The following DYNC2LI1 variants were observed in gnomAD, a reference collection of about 807,000 sequenced individuals.
DYNC2LI1 encodes dynein cytoplasmic 2 light intermediate chain 1, also known as cytoplasmic dynein 2 light intermediate chain 1.
Under a neutral mutation model 51.9 loss-of-function variants are expected in DYNC2LI1, and 45 were observed. The observed-to-expected ratio is 0.87, with a 90% CI of 0.68 to 1.11. The LOEUF is 1.11. Ranked by LOEUF, DYNC2LI1 falls within the 50% of genes most tolerant of loss-of-function variation. The pLI is 0.00. For missense variants in DYNC2LI1, 490 were observed against 417.4 expected, an observed-to-expected ratio of 1.17 and a Z score of -1.51; for synonymous variants, 130 against 137.8, an observed-to-expected ratio of 0.94 and a Z score of 0.40.
chr2:43,786,809 A>G (rs1673540990), intron 3 of DYNC2LI1, among the ~76,000 whole-genome samples: 1 of 151,962 alleles, frequency 6.6e-6, no homozygotes. Flanking sequence ...CTGGGCGACA[A>G]AGCAAGACTC....
chr2:43,799,248 GT>G (rs1403221781), intron 8 of DYNC2LI1, among the ~76,000 whole-genome samples: 3 of 152,118 alleles, frequency 2.0e-5, no homozygotes, highest in African/African-American at 7.2e-5. Flanking sequence ...GCTGCAGTGA[GT>G]TATGATCACA....
downstream of DYNC2LI1, chr2:43,813,381 G>A: frequency 9.0e-7 from 1 of 1,113,412 alleles, no homozygotes; most frequent in Non-Finnish European, 1.3e-6. Context: ...TATTTACCAA[G>A]CGCTTGCTAA....
intron 2 of DYNC2LI1, among the ~76,000 whole-genome samples, chr2:43,778,063 C>G (rs1424454014): frequency 6.6e-6 from 1 of 152,120 alleles, no homozygotes; most frequent in Non-Finnish European, 1.5e-5. Flanking sequence ...TATTGGCCCA[C>G]TTTTTAAAAT....
chr2:43,825,034 A>T, the DYNC2LI1 span: 2 of 1,612,970 alleles, frequency 1.2e-6, no homozygotes, highest in Admixed American at 3.3e-5. Flanking sequence ...CAGACAACAG[A>T]CGTAGTTAGT....
chr2:43,786,394 C>G (rs1673521681), intron 3 of DYNC2LI1, among the ~76,000 whole-genome samples: 1 of 152,020 alleles, frequency 6.6e-6, no homozygotes. Context: ...GTTGCCCAGG[C>G]CAGTCTTAAA....
the DYNC2LI1 span, chr2:43,824,338 T>C: frequency 6.2e-7 from 1 of 1,614,192 alleles, no homozygotes; most frequent in South Asian, 1.1e-5. Context: ...TATGACAAAT[T>C]GCTGATTTCT....
At chr2:43,795,062 T>C in intron 6 of DYNC2LI1, 2 of 1,027,894 alleles carry the variant, frequency 1.9e-6, no homozygotes, top group Non-Finnish European at 2.3e-6. Flanking sequence ...TACATTCATT[T>C]CGTTTCTGTC....
rs771682156 is a variant in DYNC2LI1 at position 43,795,950 on chromosome 2, G to A, written c.568G>A (p.Val190Ile). ...PLVIIGSKYD[V>I]FQDFESEKRK... ...GGTCATAATTGGAAGTAAATATGAT[G>A]TTTTTCAGGTAAGCTCTTCCGCTTC... Residue 190 changes from valine (V) to isoleucine (I), a missense_variant, in exon 7 of 13, where the codon GTT becomes ATT. Transcript: ENST00000260605. The A allele has an allele frequency of 1.2e-6, 2 of 1,612,504 alleles. No individual in the cohort carries two copies. The highest frequency in any genetic ancestry group is 1.7e-6 in the Non-Finnish European group (2 of 1,178,736).
chr2:43,797,321 A>T (rs1368665107), intron 8 of DYNC2LI1, among the ~76,000 whole-genome samples: 3 of 152,062 alleles, frequency 2.0e-5, no homozygotes, highest in African/African-American at 7.2e-5. Flanking sequence ...TCCAGGGTAA[A>T]ATGGAGAAAA....
chr2:43,797,219 G>T (rs554628557), intron 8 of DYNC2LI1, among the ~76,000 whole-genome samples: 1 of 152,148 alleles, frequency 6.6e-6, no homozygotes, highest in Admixed American at 6.5e-5. Context: ...GAAATCTGAA[G>T]TCATGCTCCC....
Position 43,776,958 on chromosome 2 carries a change from G to T in DYNC2LI1, c.126+59G>T, listed in dbSNP as rs17031492. 3.4e-3 allele frequency: 2,974 copies of T among 882,670 alleles called. 65 individuals are homozygous for T. In the African/African-American group the frequency reaches 0.045, roughly 13 times the overall value. 54.7% of individuals were successfully genotyped at this position (882,670 alleles called of 1,614,324 possible). A position where few individuals can be genotyped will look rare whatever the true frequency, so the allele number is the denominator to read the frequency against. On this transcript the variant is annotated intron_variant, in intron 2 of 12. Transcript: ENST00000260605. Reference sequence around the variant, plus strand: ...TTTAACAACCATTGGTAAAATATCTGTTAATACTTTGATTAAAATGTAGAT... The same window carrying T: ...TTTAACAACCATTGGTAAAATATCTTTTAATACTTTGATTAAAATGTAGAT...
At chr2:43,781,412 A>G (rs1368207522) in intron 2 of DYNC2LI1, among the ~76,000 whole-genome samples, 1 of 151,780 alleles carries the variant, frequency 6.6e-6, no homozygotes, top group Non-Finnish European at 1.5e-5. Flanking sequence ...TAAATCAATG[A>G]ATACTAGTGT....
chr2:43,824,808 G>C, the DYNC2LI1 span: 1 of 1,581,830 alleles, frequency 6.3e-7, no homozygotes, highest in East Asian at 2.3e-5. Flanking sequence ...AAATCCACTA[G>C]ACTGGTGTCA....
chr2:43,795,809 T>A, intron 6 of DYNC2LI1, 81 bp from the exon 7 acceptor site: 13 of 1,048,926 alleles, frequency 1.2e-5, no homozygotes, highest in Non-Finnish European at 1.5e-5. Flanking sequence ...GAAAATGGAA[T>A]GTTTTTGGAA....
At chr2:43,802,840 T>C (rs1006783596) in intron 10 of DYNC2LI1, among the ~76,000 whole-genome samples, 2 of 151,932 alleles carry the variant, frequency 1.3e-5, no homozygotes, top group Non-Finnish European at 2.9e-5. Flanking sequence ...ATAATCCAAT[T>C]AGAAAGTGGG....
chr2:43,794,713 A>C, intron 6 of DYNC2LI1, 70 bp downstream of exon 6: 1 of 1,610,422 alleles, frequency 6.2e-7, no homozygotes, highest in Admixed American at 1.7e-5. Context: ...CATCACAAAC[A>C]ACTTCTTTAG....
the DYNC2LI1 span, among the ~76,000 whole-genome samples, chr2:43,817,896 C>G: frequency 6.6e-6 from 1 of 151,604 alleles, no homozygotes; most frequent in Non-Finnish European, 1.5e-5. Flanking sequence ...GGTGACAGAG[C>G]GCGATTCCCT....
intron 6 of DYNC2LI1, 87 bp from the exon 7 acceptor site, chr2:43,795,803 A>G: frequency 1.0e-6 from 1 of 1,004,236 alleles, no homozygotes; most frequent in South Asian, 1.3e-5. Flanking sequence ...GAGACTGAAA[A>G]TGGAATGTTT....
the DYNC2LI1 span, chr2:43,826,292 G>T: frequency 9.5e-5 from 151 of 1,588,390 alleles, no homozygotes; most frequent in African/African-American, 1.0e-3. Context: ...GAGCCACTGT[G>T]CCTGGCCACT....
Sources: gnomAD v4.1 joint callset for allele counts (sites outside exome capture counted in the v4.1 genomes callset) on GRCh38, gnomAD v4.1.1 for gene constraint, MANE v1.5 for transcripts, NCBI Gene and HGNC (gene_info 2026-07-23, HGNC 2026-07-21) for gene names.